LZTR1: variants seen among roughly 807,000 people sequenced by gnomAD.
LZTR1 encodes the protein leucine-zipper-like transcriptional regulator 1.
A neutral mutation model predicts 105.7 loss-of-function variants in LZTR1; 260 were observed. The ratio of observed to expected loss-of-function variants is 2.46; its 90% confidence interval spans 2.22 to 2.72. The LOEUF (loss-of-function observed/expected upper bound fraction) is 2.72. LZTR1 is among the 30% of genes most tolerant of loss of function. The pLI, the probability that LZTR1 is intolerant of heterozygous loss-of-function variation, is 0.00. For missense variants in LZTR1, 1,214 were observed against 1,166.9 expected, an observed-to-expected ratio of 1.04 and a Z score of -0.59; for synonymous variants, 490 against 476.4, an observed-to-expected ratio of 1.03 and a Z score of -0.37.
chr22:20,994,985 A>G lies in LZTR1; in HGVS notation c.1901A>G (p.Gln634Arg), dbSNP rs770312150. Residue 634 changes from glutamine to arginine, a missense_variant, in exon 16 of 21, where the codon CAG (glutamine) becomes CGG (arginine). Coordinates refer to ENST00000646124, the MANE Select transcript of LZTR1 (RefSeq NM_006767.4). The part of the protein sequence containing the change: ...LIVEIVRRKQ[Q>R]PPPRTPLDQP... ...GTGGAGATTGTGCGGCGGAAGCAGCAGCCGCCCCCTCGCACTCCCTTGGAC... is the reference window on the plus strand; with the variant it reads ...GTGGAGATTGTGCGGCGGAAGCAGCGGCCGCCCCCTCGCACTCCCTTGGAC... 1 of 1,613,032 alleles carries G rather than the reference A, an allele frequency of 6.2e-7. No individual in the cohort carries two copies. Among genetic ancestry groups the G allele is most frequent in the East Asian group, 2.2e-5 (1 of 44,878 alleles).
At chr22:20,986,847 T>G (rs1161065346) in intron 3 of LZTR1, 1 of 152,222 alleles carries the variant, frequency 6.6e-6, no homozygotes, top group Non-Finnish European at 1.5e-5. Flanking sequence ...TGGAGTAGCA[T>G]GAGGACCTGG....
chr22:20,995,883 G>A lies in LZTR1; in HGVS notation c.2069+11G>A, dbSNP rs1203408491. 3 of 1,612,910 alleles carry A rather than the reference G, an allele frequency of 1.9e-6. 1 individual carries two copies. The Admixed American group carries it at 5.0e-5, about 27-fold the overall frequency. Reference sequence around the variant, plus strand: ...GGCCGCCCGCTCCAGGTGGGTGGGGGCTGGACAGGAGGGGAGGGTGGGCCT... The same window carrying A: ...GGCCGCCCGCTCCAGGTGGGTGGGGACTGGACAGGAGGGGAGGGTGGGCCT... On this transcript the variant is annotated intron_variant, in intron 17 of 20. Transcript: ENST00000646124.
At chr22:20,995,475 T>TG in intron 16 of LZTR1, 1 of 660,240 alleles carries the variant, frequency 1.5e-6, no homozygotes. Context: ...GGAGGGGGCT[T>TG]GATCATGAGG....
chr22:20,992,855 G>T lies in LZTR1; in HGVS notation c.1211G>T (p.Gly404Val). 6.2e-7 allele frequency: 1 copy of T among 1,610,352 alleles called. No homozygotes were observed. Among genetic ancestry groups the T allele is most frequent in the Non-Finnish European group, 8.5e-7 (1 of 1,178,510 alleles). Reference sequence around the variant, plus strand: ...ATCTCGGACGCCATGTACATCTTCGGGGGCACGGTGGACAACAACATCCGC... The same window carrying T: ...ATCTCGGACGCCATGTACATCTTCGTGGGCACGGTGGACAACAACATCCGC... Reference protein sequence around the residue: ...AVISDAMYIFGGTVDNNIRSG... With the variant: ...AVISDAMYIFVGTVDNNIRSG... Residue 404 changes from glycine (G) to valine (V), a missense_variant, in exon 11 of 21, where the codon GGG becomes GTG. By Grantham distance (109) the Gly-to-Val change is moderately radical. Coordinates refer to ENST00000646124, the MANE Select transcript of LZTR1 (RefSeq NM_006767.4).
intron 1 of LZTR1, 92 bp downstream of exon 1, chr22:20,982,663 C>T: frequency 7.8e-7 from 1 of 1,287,692 alleles, no homozygotes; most frequent in Non-Finnish European, 1.1e-6. Context: ...GGGTGGTGTC[C>T]TGGGGTAGGA....
intron 9 of LZTR1, 53 bp from the exon 10 acceptor site, chr22:20,992,161 A>G: frequency 6.4e-7 from 1 of 1,560,370 alleles, no homozygotes. Flanking sequence ...GTCTCTGGGC[A>G]CCTACCTGGC....
intron 1 of LZTR1, among the ~76,000 whole-genome samples, 168 bp from the exon 2 acceptor site, chr22:20,982,859 T>G (rs1924247399): frequency 6.6e-6 from 1 of 152,180 alleles, no homozygotes; most frequent in Non-Finnish European, 1.5e-5. Flanking sequence ...TGGAGCCGTG[T>G]CAGGGGTCCT....
Position 20,987,598 on chromosome 22 carries a change from G to A in LZTR1, c.400+15G>A, listed in dbSNP as rs1924442372. 1 of 1,612,438 alleles carries A rather than the reference G, an allele frequency of 6.2e-7. No individual in the cohort carries two copies. The highest frequency in any genetic ancestry group is 1.3e-5 in the African/African-American group (1 of 74,910). ...GTTTGTCTTTGGTAAGCAGCCTCTTGCCTCCCAGGGGCTGTGTCGCCCCGA... is the reference window on the plus strand; with the variant it reads ...GTTTGTCTTTGGTAAGCAGCCTCTTACCTCCCAGGGGCTGTGTCGCCCCGA... On this transcript the variant is annotated intron_variant, in intron 4 of 20. Transcript: ENST00000646124.
intron 9 of LZTR1, 22 bp downstream of exon 9, chr22:20,991,851 C>T: frequency 2.0e-6 from 3 of 1,537,456 alleles, no homozygotes; most frequent in Admixed American, 2.0e-5. Flanking sequence ...CAGGGGTGTC[C>T]TGACCTGCCA....
chr22:20,988,103 G>A lies in LZTR1; in HGVS notation c.494G>A (p.Trp165Ter), dbSNP rs1192054933. The change falls in exon 5 of 21, where the codon TGG becomes TAG. Residue 165 changes from tryptophan (W) to a stop codon, truncating the protein, a stop_gained. Transcript: ENST00000646124. LOFTEE classifies it high-confidence loss of function. Reference sequence around the variant, plus strand: ...TTTGCAACTGGCCAGTGGACGGAGTGGAAAATTGAAGGACGGTGAGAAACT... The same window carrying A: ...TTTGCAACTGGCCAGTGGACGGAGTAGAAAATTGAAGGACGGTGAGAAACT... ...YKFATGQWTE[W>*]KIEGRLPVAR... 9 of 1,609,822 alleles carry A rather than the reference G, an allele frequency of 5.6e-6. No individual in the cohort carries two copies. Among genetic ancestry groups the A allele is most frequent in the Admixed American group, 1.7e-5 (1 of 59,934 alleles).
chr22:20,996,126 C>A lies in LZTR1; in HGVS notation c.2219+14C>A. 6.2e-7 allele frequency: 1 copy of A among 1,609,724 alleles called. No homozygotes were observed. On this transcript the variant is annotated intron_variant, in intron 18 of 20. Coordinates refer to ENST00000646124, the MANE Select transcript of LZTR1 (RefSeq NM_006767.4). Reference sequence around the variant, plus strand: ...CGAGGACTCGCTGCATCCTCACTCCCCAGTGAACTCCCAGGTCCCCACCAA... The same window carrying A: ...CGAGGACTCGCTGCATCCTCACTCCACAGTGAACTCCCAGGTCCCCACCAA...
At position 20,987,498 on chromosome 22, in the gene LZTR1, C is replaced by T. The variant is rs1162732232; in HGVS notation, c.321-6C>T. ...CTGACTCTCACCACCCCTGTGCCCACCCCAGGGCCTTTACCACTGGGACCC... is the reference window on the plus strand; with the variant it reads ...CTGACTCTCACCACCCCTGTGCCCATCCCAGGGCCTTTACCACTGGGACCC... On this transcript the variant is annotated splice_region_variant and splice_polypyrimidine_tract_variant and intron_variant, in intron 3 of 20. Transcript: ENST00000646124. 1.2e-6 allele frequency: 2 copies of T among 1,602,460 alleles called. No homozygotes were observed. Among genetic ancestry groups the T allele is most frequent in the Admixed American group, 3.3e-5 (2 of 59,980 alleles).
At position 20,993,988 on chromosome 22, in the gene LZTR1, A is replaced by G; in HGVS notation, c.1418A>G (p.Lys473Arg). Residue 473 changes from lysine to arginine, a missense_variant, in exon 13 of 21, where the codon AAG becomes AGG. Coordinates refer to ENST00000646124, the MANE Select transcript of LZTR1 (RefSeq NM_006767.4). ...VTARSRWLRR[K>R]ITQARERLAQ... ...GCGCGGAGCCGCTGGCTTCGCAGGA[A>G]GATCACGCAGGCGCGGGAGAGGCTG... The G allele has an allele frequency of 6.2e-7, 1 of 1,611,986 alleles. No individual in the cohort carries two copies.
At chr22:20,989,127 C>A (rs980523352) in intron 6 of LZTR1, among the ~76,000 whole-genome samples, 1 of 152,068 alleles carries the variant, frequency 6.6e-6, no homozygotes. Flanking sequence ...AGTTGCCCTG[C>A]GGAGCTGAGT....
At chr22:20,985,557 A>G (rs1489686383) in intron 2 of LZTR1, among the ~76,000 whole-genome samples, 2 of 150,944 alleles carry the variant, frequency 1.3e-5, no homozygotes, top group Non-Finnish European at 2.9e-5. Flanking sequence ...TCATGCCTTC[A>G]TGTCAGCTGC....
intron 18 of LZTR1, 28 bp from the exon 19 acceptor site, chr22:20,996,667 CT>C (rs1601723551): frequency 5.0e-6 from 8 of 1,603,500 alleles, no homozygotes; most frequent in Non-Finnish European, 6.8e-6. Flanking sequence ...GACCAGCTTC[CT>C]TTAGTCAGCT....
Position 20,998,178 on chromosome 22 carries a change from G to T in LZTR1, c.*830G>T, listed in dbSNP as rs1203300214. On this transcript the variant is annotated 3_prime_UTR_variant, in exon 21 of 21. Transcript: ENST00000646124. The stretch of plus-strand genomic sequence containing the variant: ...GCTTCAGCCCCTTGAGCAGCCCATG[G>T]CTTAGCAGACCCCCAGATGTAGGTC... 1.3e-5 allele frequency: 2 copies of T among 152,352 alleles called. No individual in the cohort carries two copies. The highest frequency in any genetic ancestry group is 4.1e-4 in the South Asian group (2 of 4,832). 9.4% of individuals were successfully genotyped at this position (152,352 alleles called of 1,614,324 possible).
chr22:20,992,474 T>C, intron 10 of LZTR1, 105 bp downstream of exon 10: 3 of 1,284,654 alleles, frequency 2.3e-6, no homozygotes, highest in Non-Finnish European at 3.2e-6. Flanking sequence ...AATACTTGCT[T>C]GGGGTCACAC....
chr22:20,988,816 G>A lies in LZTR1; in HGVS notation c.537G>A (p.Gly179=). The part of the protein sequence containing the change: ...GRLPVARSAH[G]ATVYSDKLWI... Reference sequence around the variant, plus strand: ...TGCCAGTCGCTAGGTCAGCCCATGGGGCCACGGTGTACAGTGACAAGCTGT... The same window carrying A: ...TGCCAGTCGCTAGGTCAGCCCATGGAGCCACGGTGTACAGTGACAAGCTGT... Residue 179 remains glycine (G), a synonymous_variant, in exon 6 of 21, where the codon GGG becomes GGA. Transcript: ENST00000646124. 3 of 1,614,132 alleles carry A rather than the reference G, an allele frequency of 1.9e-6. No individual in the cohort carries two copies. In the East Asian group the frequency reaches 6.7e-5, roughly 36 times the overall value.
Sources: gnomAD v4.1 joint callset for allele counts (sites outside exome capture counted in the v4.1 genomes callset) on GRCh38, gnomAD v4.1.1 for gene constraint, MANE v1.5 for transcripts, NCBI Gene and HGNC (gene_info 2026-07-23, HGNC 2026-07-21) for gene names.